Variants in STAB2 observed in about 807,000 individuals in gnomAD.
STAB2 encodes stabilin 2.
A neutral mutation model predicts 338.1 loss-of-function variants in STAB2; 288 were observed. The ratio of observed to expected loss-of-function variants is 0.85; its 90% CI spans 0.77 to 0.94. The LOEUF is 0.94. STAB2 is among the 40% of genes least tolerant of loss of function. STAB2 has a pLI of 0.00. For synonymous variants in STAB2, 1,202 were observed against 1,193.3 expected (o/e 1.01, Z -0.15); for missense variants, 3,141 against 3,210.1 (o/e 0.98, Z 0.52).
intron 12 of STAB2, among the ~76,000 whole-genome samples, chr12:103,653,449 G>T (rs564937705): frequency 2.0e-5 from 3 of 152,336 alleles, no homozygotes; most frequent in African/African-American, 7.2e-5. Context: ...CACAGTAAGT[G>T]CCAGAGCCAG....
intron 15 of STAB2, among the ~76,000 whole-genome samples, chr12:103,658,227 G>A (rs888041066): frequency 6.6e-6 from 1 of 152,224 alleles, no homozygotes; most frequent in African/African-American, 2.4e-5. Flanking sequence ...CAAAGAACTT[G>A]AGTTTGGTTT....
chr12:103,638,770 G>C (rs1957593593), intron 8 of STAB2, among the ~76,000 whole-genome samples: 1 of 152,224 alleles, frequency 6.6e-6, no homozygotes, highest in African/African-American at 2.4e-5. Flanking sequence ...CCAGTGGAAA[G>C]AGCCTTGGCC....
chr12:103,605,495 A>T (rs1228360301), intron 3 of STAB2, among the ~76,000 whole-genome samples: 3 of 151,936 alleles, frequency 2.0e-5, no homozygotes, highest in Non-Finnish European at 4.4e-5. Context: ...TTATTTTTAT[A>T]AGAAATATGA....
rs1956876426 is a variant in STAB2, at chr12:103,596,399, G to A, written c.331+1889G>A. On this transcript the variant is annotated intron_variant, in intron 3 of 68. Coordinates refer to ENST00000388887, the MANE Select transcript of STAB2 (RefSeq NM_017564.10). ...AGGGCAAAAGAACACTGGGCCAGCA[G>A]CTAGAACTTCATCCCACCATTTACT... Among the ~76,000 whole-genome samples the A allele has an allele frequency of 5.9e-5, 9 of 152,186 alleles. No individual in the cohort carries two copies. The South Asian group carries it at 1.9e-3, about 32-fold the overall frequency.
chr12:103,683,424 C>T (rs1877112224), intron 26 of STAB2, 124 bp downstream of exon 26: 6 of 799,882 alleles, frequency 7.5e-6, no homozygotes, highest in Non-Finnish European at 1.1e-5. Flanking sequence ...AAGGGAATCT[C>T]TAAGCAGAAT....
rs574508711 is a variant in STAB2, at chr12:103,636,224, T to G, written c.584-887T>G. The stretch of plus-strand genomic sequence containing the variant: ...CCCCCCACCCCACAACAGTCCCCGG[T>G]GTGTGATGTTCCCCTTCCTGTGTCC... On this transcript the variant is annotated intron_variant, in intron 6 of 68. Coordinates refer to ENST00000388887, the MANE Select transcript of STAB2 (RefSeq NM_017564.10). Among the ~76,000 whole-genome samples, 127 of 124,958 alleles carry G rather than the reference T, an allele frequency of 1.0e-3. 1 individual carries two copies. In the East Asian group the frequency reaches 0.026, roughly 25 times the overall value. 82.0% of individuals were successfully genotyped at this position (124,958 alleles called of 152,430 possible). A position where few individuals can be genotyped will look rare whatever the true frequency, so the allele number is the denominator to read the frequency against.
Position 103,706,791 on chromosome 12 carries a change from G to T in STAB2, c.3997-1G>T. 1 of 1,614,272 alleles carries T rather than the reference G, an allele frequency of 6.2e-7. No individual in the cohort carries two copies. Among genetic ancestry groups the T allele is most frequent in the Non-Finnish European group, 8.5e-7 (1 of 1,180,056 alleles). ...TGTCAAGCTTTGTCCTTCTGTTTCA[G>T]ACGAGAGAATGCTGTGCCGGCTTCT... is the stretch of plus-strand genomic sequence containing the variant. On this transcript the variant is annotated splice_acceptor_variant, in intron 37 of 68. Transcript: ENST00000388887. LOFTEE classifies it high-confidence loss of function.
chr12:103,765,026 G>A (rs1349528168), intron 68 of STAB2, among the ~76,000 whole-genome samples: 1 of 139,230 alleles, frequency 7.2e-6, no homozygotes, highest in Non-Finnish European at 1.5e-5. Context: ...GGCGGAGGTT[G>A]CAGTGAGCAG....
Position 103,631,454 on chromosome 12 carries a change from AC to A in STAB2, c.488-142del, listed in dbSNP as rs567949419. 249 of 700,286 alleles carry A rather than the reference AC, an allele frequency of 3.6e-4. No homozygotes were observed. The African/African-American group carries it at 4.2e-3, about 12-fold the overall frequency. 43.4% of individuals were successfully genotyped at this position (700,286 alleles called of 1,614,324 possible). A position where few individuals can be genotyped will look rare whatever the true frequency, so the allele number is the denominator to read the frequency against. Reference sequence around the variant, plus strand: ...ATATGTTAAACTTAAAAAAAAAAAAACCTGGTGCTGATAAAAGAGAGAGGAG... The same window carrying A: ...ATATGTTAAACTTAAAAAAAAAAAAACTGGTGCTGATAAAAGAGAGAGGAG... On this transcript the variant is annotated intron_variant, in intron 5 of 68. Transcript: ENST00000388887.
intron 28 of STAB2, 134 bp downstream of exon 28, chr12:103,688,349 G>A: frequency 2.4e-6 from 2 of 843,180 alleles, no homozygotes; most frequent in South Asian, 1.5e-5. Context: ...CTCAACGCTG[G>A]CTGCACTGTG....
In STAB2 at chr12:103,766,682, G is replaced by C. The variant is rs970628360; in HGVS notation, c.*346G>C. ...GCCCCTAGCCCAGTGCCTGACACAG[G>C]AACTGTGCACAATAAAGGTTTATGG... is the stretch of plus-strand genomic sequence containing the variant. On this transcript the variant is annotated 3_prime_UTR_variant, in exon 69 of 69. Coordinates refer to ENST00000388887, the MANE Select transcript of STAB2 (RefSeq NM_017564.10). 11 of 263,642 alleles carry C rather than the reference G, an allele frequency of 4.2e-5. No homozygotes were observed. The highest frequency in any genetic ancestry group is 7.4e-5 in the Non-Finnish European group (10 of 135,920). The allele number at this position is 263,642 out of a possible 1,614,324, so 16.3% of individuals were successfully genotyped here.
intron 68 of STAB2, among the ~76,000 whole-genome samples, chr12:103,764,856 C>T (rs1884804535): frequency 6.6e-6 from 1 of 151,996 alleles, no homozygotes; most frequent in African/African-American, 2.4e-5. Context: ...CCAGCACTTT[C>T]GGAGGCCAAG....
At chr12:103,727,493 C>T in intron 47 of STAB2, 143 bp downstream of exon 47, 1 of 928,666 alleles carries the variant, frequency 1.1e-6, no homozygotes, top group East Asian at 2.5e-5. Flanking sequence ...AAGGGGCTGC[C>T]TCTTGGCACA....
intron 8 of STAB2, 90 bp downstream of exon 8, chr12:103,638,302 A>T (rs1957585467): frequency 7.2e-7 from 1 of 1,387,548 alleles, no homozygotes; most frequent in Admixed American, 2.2e-5. Flanking sequence ...TGCCATCCCA[A>T]TTCTCCCTTT....
chr12:103,677,469 C>A lies in STAB2; in HGVS notation c.2663C>A (p.Thr888Asn). ...CTCCTGCAGGCAGAATGCATCAAAA[C>A]TGGCACGGGCACCCACACCTGCGTG... ...GCSRNAECIK[T>N]GTGTHTCVCQ... Residue 888 changes from threonine to asparagine, a missense_variant, in exon 25 of 69, where the codon ACT becomes AAT. Coordinates refer to ENST00000388887, the MANE Select transcript of STAB2 (RefSeq NM_017564.10). 1 of 1,612,412 alleles carries A rather than the reference C, an allele frequency of 6.2e-7. No homozygotes were observed. The highest frequency in any genetic ancestry group is 8.5e-7 in the Non-Finnish European group (1 of 1,178,572).
At chr12:103,699,263 C>T (rs1319453304) in intron 34 of STAB2, 36 bp downstream of exon 34, 1 of 1,585,928 alleles carries the variant, frequency 6.3e-7, no homozygotes, top group Non-Finnish European at 8.6e-7. Flanking sequence ...AGCAATGCCA[C>T]CGAGAATTAC....
rs1435683712 is a variant in STAB2, at chr12:103,728,936, A to C, written c.5023A>C (p.Lys1675Gln). The C allele has an allele frequency of 5.0e-6, 8 of 1,613,860 alleles. No individual in the cohort carries two copies. Among genetic ancestry groups the C allele is most frequent in the Non-Finnish European group, 6.8e-6 (8 of 1,179,868 alleles). The change falls in exon 48 of 69, where the codon AAA (lysine) becomes CAA (glutamine). Residue 1675 changes from lysine to glutamine, a missense_variant. Lys to Gln is a moderately conservative substitution (Grantham distance 53). Transcript: ENST00000388887. ...CCACCAGCTGCTTCTGGAAAACCTG[A>C]AATTGATCTCAAATGCTACTTCCCT... ...ACHQLLLENL[K>Q]LISNATSLQG...
intron 51 of STAB2, 121 bp from the exon 52 acceptor site, chr12:103,735,370 A>C: frequency 1.7e-6 from 1 of 584,456 alleles, no homozygotes; most frequent in Non-Finnish European, 3.0e-6. Flanking sequence ...TTGTAAAGCT[A>C]AAGTTATTAT....
chr12:103,609,920 C>A (rs1328876895), intron 3 of STAB2, among the ~76,000 whole-genome samples: 1 of 152,114 alleles, frequency 6.6e-6, no homozygotes, highest in Non-Finnish European at 1.5e-5. Context: ...TTCTCAAAGG[C>A]CTTTTCTGCA....
Sources: gnomAD v4.1 joint callset for allele counts (sites outside exome capture counted in the v4.1 genomes callset) on GRCh38, gnomAD v4.1.1 for gene constraint, MANE v1.5 for transcripts, NCBI Gene and HGNC (gene_info 2026-07-23, HGNC 2026-07-21) for gene names.